Variants in VPS13B observed in about 807,000 individuals in gnomAD.
The protein encoded by VPS13B is intermembrane lipid transfer protein VPS13B.
A neutral mutation model predicts 426.4 loss-of-function variants in VPS13B; 285 were observed. That is an observed-to-expected ratio of 0.67 (90% CI 0.61 to 0.74). The LOEUF (loss-of-function observed/expected upper bound fraction) is 0.74. Among genes scored for constraint, VPS13B ranks in the 30% least tolerant of loss-of-function variants. The probability of loss-of-function intolerance (pLI) is 0.00; values close to 1 mark genes in which losing one functional copy is unlikely to be tolerated. For synonymous variants in VPS13B, 1,676 were observed against 1,676.4 expected (o/e 1.00, Z 0.01); for missense variants, 4,537 against 4,782.6 (o/e 0.95, Z 1.51).
chr8:99,098,498 A>C (rs965588041), intron 4 of VPS13B, among the ~76,000 whole-genome samples: 1 of 152,114 alleles, frequency 6.6e-6, no homozygotes, highest in Non-Finnish European at 1.5e-5. Flanking sequence ...TAACTCTTCT[A>C]CAGTTTATTT....
chr8:99,579,178 G>A (rs146739047), intron 33 of VPS13B, among the ~76,000 whole-genome samples: 5 of 152,208 alleles, frequency 3.3e-5, no homozygotes, highest in African/African-American at 1.2e-4. Flanking sequence ...CCCAACCCTG[G>A]TGGGACATAT....
intron 3 of VPS13B, among the ~76,000 whole-genome samples, chr8:99,044,084 CTTTTTT>C (rs5893476): frequency 1.0e-5 from 1 of 98,932 alleles, no homozygotes; most frequent in Non-Finnish European, 1.9e-5. Context: ...TTCTTTCTTT[CTTTTTT>C]TTTTTTTTTT....
chr8:99,636,738 G>A (rs113305898), intron 33 of VPS13B, among the ~76,000 whole-genome samples: 1,786 of 152,090 alleles, frequency 0.012, 38 homozygotes, highest in Non-Finnish European at 0.013. Context: ...CTGCCAGTGT[G>A]TTTAATATAT....
chr8:99,343,676 G>A (rs1276264739), intron 19 of VPS13B, among the ~76,000 whole-genome samples: 1 of 152,106 alleles, frequency 6.6e-6, no homozygotes, highest in African/African-American at 2.4e-5. Flanking sequence ...AATTAAGAAA[G>A]CAATTCAATT....
intron 19 of VPS13B, among the ~76,000 whole-genome samples, chr8:99,311,431 A>T (rs1820967287): frequency 1.3e-5 from 2 of 152,170 alleles, no homozygotes; most frequent in South Asian, 4.1e-4. Flanking sequence ...TTATATACCC[A>T]GTAGTCATTC....
At chr8:99,401,140 G>C (rs1815017178) in intron 21 of VPS13B, among the ~76,000 whole-genome samples, 1 of 152,124 alleles carries the variant, frequency 6.6e-6, no homozygotes, top group South Asian at 2.1e-4. Flanking sequence ...ATCATTGACT[G>C]TACTCAGGAT....
At chr8:99,860,614 A>T (rs772768057) in intron 57 of VPS13B, among the ~76,000 whole-genome samples, 2 of 152,230 alleles carry the variant, frequency 1.3e-5, no homozygotes, top group African/African-American at 4.8e-5. Flanking sequence ...GCGCACACAG[A>T]TATTTTTCTT....
chr8:99,037,175 C>T (rs1342034293), intron 2 of VPS13B, among the ~76,000 whole-genome samples: 1 of 151,966 alleles, frequency 6.6e-6, no homozygotes, highest in African/African-American at 2.4e-5. Flanking sequence ...GAAATTAATG[C>T]ATTTTAAAAA....
At chr8:99,286,008 C>T (rs1819418950) in intron 19 of VPS13B, among the ~76,000 whole-genome samples, 1 of 151,996 alleles carries the variant, frequency 6.6e-6, no homozygotes, top group Non-Finnish European at 1.5e-5. Context: ...TGACTTTTGC[C>T]CTTCCTCCTC....
intron 39 of VPS13B, among the ~76,000 whole-genome samples, chr8:99,753,576 G>C (rs1367035984): frequency 2.6e-5 from 4 of 151,974 alleles, no homozygotes; most frequent in Non-Finnish European, 5.9e-5. Flanking sequence ...TTCTCTTTAA[G>C]GAAAAATATT....
In VPS13B at chr8:99,013,677, C is replaced by T. The variant is rs112108312; in HGVS notation, c.-29-83C>T. On this transcript the variant is annotated intron_variant, in intron 1 of 61. Coordinates refer to ENST00000357162, the MANE Select transcript of VPS13B (RefSeq NM_152564.5). The stretch of plus-strand genomic sequence containing the variant: ...AGGCGAACGGCCGCTTTGGTGGGGA[C>T]TTACTGCTTTCGGCCTGAGATAACG... 3.6e-4 allele frequency: 485 copies of T among 1,354,764 alleles called. No individual in the cohort carries two copies. In the African/African-American group the frequency reaches 5.6e-3, roughly 16 times the overall value. The allele number at this position is 1,354,764 out of a possible 1,614,324, so 83.9% of individuals were successfully genotyped here. A position where few individuals can be genotyped will look rare whatever the true frequency, so the allele number is the denominator to read the frequency against.
chr8:99,014,018 A>G (rs1841458115), intron 2 of VPS13B, 83 bp downstream of exon 2: 5 of 1,545,042 alleles, frequency 3.2e-6, no homozygotes, highest in Non-Finnish European at 2.6e-6. Flanking sequence ...CTTTGACTTT[A>G]TGCTGTAAAA....
intron 3 of VPS13B, among the ~76,000 whole-genome samples, chr8:99,043,163 T>A (rs545152588): frequency 1.6e-4 from 24 of 152,236 alleles, no homozygotes; most frequent in Non-Finnish European, 3.1e-4. Context: ...TTGTTTTTTT[T>A]AATTTTGTTT....
intron 35 of VPS13B, among the ~76,000 whole-genome samples, chr8:99,691,854 CA>C (rs2130091172): frequency 7.1e-6 from 1 of 141,182 alleles, no homozygotes; most frequent in East Asian, 2.1e-4. Flanking sequence ...GAAGATCTAC[CA>C]AGCAAATGGA....
Position 99,135,674 on chromosome 8 carries a change from C to T in VPS13B, c.1504C>T (p.Arg502Ter), listed in dbSNP as rs180177354. The change falls in exon 11 of 62, where the codon CGA becomes TGA. Residue 502 changes from arginine (R) to a stop codon, truncating the protein, a stop_gained. Transcript: ENST00000357162. LOFTEE classifies it high-confidence loss of function. The stretch of plus-strand genomic sequence containing the variant: ...CCTTACAAATTCATTGTTTGATTAC[C>T]GAAGCCCAGAAAATAATGGTACTCG... ...TYLTNSLFDYRSPENNGTRAE... is the reference protein window; with the variant it reads ...TYLTNSLFDY 6.8e-6 allele frequency: 11 copies of T among 1,613,194 alleles called. No individual in the cohort carries two copies. The highest frequency in any genetic ancestry group is 1.3e-5 in the African/African-American group (1 of 74,846).
At chr8:99,509,213 A>G (rs930829412) in intron 28 of VPS13B, among the ~76,000 whole-genome samples, 1 of 152,208 alleles carries the variant, frequency 6.6e-6, no homozygotes, top group Non-Finnish European at 1.5e-5. Context: ...ATTGTCCAGC[A>G]ACATGCTAAT....
At chr8:99,624,007 A>ATATATATATATTTTTT (rs1206203704) in intron 33 of VPS13B, among the ~76,000 whole-genome samples, 1 of 101,122 alleles carries the variant, frequency 9.9e-6, no homozygotes, top group African/African-American at 4.4e-5. Flanking sequence ...ATATATATAT[A>ATATATATATATTTTTT]TTTTTTTTTT....
At chr8:99,365,547 C>T (rs538153951) in intron 19 of VPS13B, among the ~76,000 whole-genome samples, 12 of 120,420 alleles carry the variant, frequency 1.0e-4, no homozygotes, top group Non-Finnish European at 1.8e-4. Context: ...GGCGGAGTCT[C>T]GCTCTGTCGC....
intron 40 of VPS13B, among the ~76,000 whole-genome samples, chr8:99,770,656 T>C (rs146004590): frequency 3.2e-4 from 49 of 152,306 alleles, no homozygotes; most frequent in African/African-American, 1.2e-3. Context: ...TGTACAGAGA[T>C]CTGGCTGCAA....
Sources: gnomAD v4.1 joint callset for allele counts (sites outside exome capture counted in the v4.1 genomes callset) on GRCh38, gnomAD v4.1.1 for gene constraint, MANE v1.5 for transcripts, NCBI Gene and HGNC (gene_info 2026-07-23, HGNC 2026-07-21) for gene names.